SENP2: variants seen among roughly 807,000 people sequenced by gnomAD.
SENP2 encodes SUMO specific peptidase 2, also known as sentrin-specific protease 2.
A neutral mutation model predicts 86.3 loss-of-function variants in SENP2; 16 were observed. The observed-to-expected ratio is 0.19, with a 90% CI of 0.13 to 0.28. The LOEUF is 0.28. Among genes scored for constraint, SENP2 ranks in the 10% least tolerant of loss-of-function variants. The pLI is 1.00. For missense variants in SENP2, 552 were observed against 703.0 expected, an observed-to-expected ratio of 0.79 and a Z score of 2.43; for synonymous variants, 222 against 238.7, an observed-to-expected ratio of 0.93 and a Z score of 0.64.
At chr3:185,624,144 G>C (rs1398861061) in intron 15 of SENP2, 62 bp downstream of exon 15, 52 of 1,182,608 alleles carry the variant, frequency 4.4e-5, no homozygotes, top group Non-Finnish European at 6.1e-5. Context: ...ATATTATCTA[G>C]ATTTGGCTCC....
intron 11 of SENP2, among the ~76,000 whole-genome samples, chr3:185,616,449 T>C (rs139257802): frequency 0.017 from 2,421 of 140,026 alleles, 64 homozygotes; most frequent in African/African-American, 0.061. Flanking sequence ...CACTCCAGCC[T>C]GGGTGACAAA....
intron 16 of SENP2, among the ~76,000 whole-genome samples, chr3:185,629,485 C>T: frequency 6.6e-6 from 1 of 150,550 alleles, no homozygotes; most frequent in East Asian, 2.0e-4. Context: ...GACTGAGGGA[C>T]AAGAATCGCT....
rs1175476968 is a variant in SENP2 at position 185,617,944 on chromosome 3, T to TTTTTG, written c.1242+337_1242+338insGTTTT. ...TATAGTAGCTATTTTTTTGTTTTTGTTTTTTGGTTTTGTTTTTGAGACAGA... is the reference window on the plus strand; with the variant it reads ...TATAGTAGCTATTTTTTTGTTTTTGTTTTTGTTTTTGGTTTTGTTTTTGAGACAGA... On this transcript the variant is annotated intron_variant, in intron 12 of 16. Coordinates refer to ENST00000296257, the MANE Select transcript of SENP2 (RefSeq NM_021627.3). Among the ~76,000 whole-genome samples the TTTTTG allele has an allele frequency of 3.4e-3, 517 of 152,218 alleles. 5 individuals are homozygous for TTTTTG. Among genetic ancestry groups the TTTTTG allele is most frequent in the African/African-American group, 0.012 (488 of 41,530 alleles).
Position 185,605,435 on chromosome 3 carries a change from C to G in SENP2, c.450-895C>G, listed in dbSNP as rs533911864. On this transcript the variant is annotated intron_variant, in intron 5 of 16. Coordinates refer to ENST00000296257, the MANE Select transcript of SENP2 (RefSeq NM_021627.3). Reference sequence around the variant, plus strand: ...GATTACCAACATCAGGAAATTAACACTGATATAATACTATTATGTAATCTA... The same window carrying G: ...GATTACCAACATCAGGAAATTAACAGTGATATAATACTATTATGTAATCTA... 1.2e-3 allele frequency among the ~76,000 whole-genome samples: 190 copies of G among 152,068 alleles called. 2 individuals are homozygous for G. The highest frequency in any genetic ancestry group is 2.0e-3 in the Non-Finnish European group (134 of 67,994).
intron 2 of SENP2, among the ~76,000 whole-genome samples, chr3:185,590,944 T>TCGCA (rs1560188259): frequency 1.4e-5 from 1 of 73,900 alleles, no homozygotes; most frequent in African/African-American, 5.8e-5. Flanking sequence ...TCTTGCTCTG[T>TCGCA]CGCAGGCTGG....
chr3:185,591,810 A>G (rs1271918839), intron 2 of SENP2, among the ~76,000 whole-genome samples: 1 of 151,442 alleles, frequency 6.6e-6, no homozygotes, highest in Non-Finnish European at 1.5e-5. Flanking sequence ...GGCTCACTGC[A>G]GCCTCCACCT....
intron 14 of SENP2, among the ~76,000 whole-genome samples, chr3:185,622,106 A>T (rs373486029): frequency 1.3e-5 from 2 of 152,360 alleles, no homozygotes; most frequent in African/African-American, 4.8e-5. Flanking sequence ...TTTGTCATGT[A>T]TTATGATGTA....
At chr3:185,601,281 GT>G (rs1722336516) in intron 5 of SENP2, among the ~76,000 whole-genome samples, 1 of 151,972 alleles carries the variant, frequency 6.6e-6, no homozygotes, top group Admixed American at 6.6e-5. Context: ...CTGACCTCAG[GT>G]AATCCACCCA....
chr3:185,615,720 T>C (rs539618103), intron 11 of SENP2, among the ~76,000 whole-genome samples: 2 of 152,336 alleles, frequency 1.3e-5, no homozygotes, highest in South Asian at 2.1e-4. Flanking sequence ...CATAATTCTT[T>C]AGTATGATGA....
Position 185,599,006 on chromosome 3 carries a change from A to G in SENP2, c.340A>G (p.Asn114Asp). 1 of 1,612,688 alleles carries G rather than the reference A, an allele frequency of 6.2e-7. No homozygotes were observed. Among genetic ancestry groups the G allele is most frequent in the Non-Finnish European group, 8.5e-7 (1 of 1,179,564 alleles). The part of the protein sequence containing the change: ...SCELTGSGSW[N>D]NMLKLGNKSP... ...TGAACTGACAGGTTCTGGATCCTGG[A>G]ACAACATGCTGAAACTGGGTGAGGT... The change falls in exon 4 of 17, where the codon AAC (asparagine) becomes GAC (aspartate). Residue 114 changes from asparagine to aspartate, a missense_variant. Asn to Asp is a conservative substitution (Grantham distance 23). This residue lies in a region of SENP2 where 383 missense variants were observed against 427.3 expected (regional missense o/e 0.90). Coordinates refer to ENST00000296257, the MANE Select transcript of SENP2 (RefSeq NM_021627.3).
In SENP2 at chr3:185,610,154, CT is replaced by C. The variant is rs557832407; in HGVS notation, c.722+827del. 3.7e-3 allele frequency among the ~76,000 whole-genome samples: 425 copies of C among 115,036 alleles called. 1 individual carries two copies. Among genetic ancestry groups the C allele is most frequent in the African/African-American group, 9.4e-3 (291 of 30,946 alleles). The allele number at this position is 115,036 out of a possible 152,430, so 75.5% of individuals were successfully genotyped here. On this transcript the variant is annotated intron_variant, in intron 7 of 16. Coordinates refer to ENST00000296257, the MANE Select transcript of SENP2 (RefSeq NM_021627.3). ...TAAAAAGTCACAGAATATTATCTAG[CT>C]TTTTTTTTTTTTTTTTTTTTTTGAG...
Position 185,629,575 on chromosome 3 carries a change from CAAA to C in SENP2, c.1708-194_1708-192del, listed in dbSNP as rs34843707. 4.3e-5 allele frequency among the ~76,000 whole-genome samples: 5 copies of C among 117,056 alleles called. No individual in the cohort carries two copies. The South Asian group carries it at 7.3e-4, about 17-fold the overall frequency. The allele number at this position is 117,056 out of a possible 152,430, so 76.8% of individuals were successfully genotyped here. On this transcript the variant is annotated intron_variant, in intron 16 of 16. Coordinates refer to ENST00000296257, the MANE Select transcript of SENP2 (RefSeq NM_021627.3). ...TGGGTGACACAGCAAGACTCCATCT[CAAA>C]AAAAAAAAAAAAGTGCTTATGGTAC...
rs777501588 is a variant in SENP2, at chr3:185,600,814, A to G, written c.408A>G (p.Thr136=). ...GTGACTATCCAAAGATCAGAGTGAC[A>G]GTTACCCGAGATCAGCCACGCAGAG... ...GISDYPKIRV[T]VTRDQPRRVL... The change falls in exon 5 of 17, where the codon ACA becomes ACG. Residue 136 remains threonine, a synonymous_variant. Coordinates refer to ENST00000296257, the MANE Select transcript of SENP2 (RefSeq NM_021627.3). 8 of 1,612,568 alleles carry G rather than the reference A, an allele frequency of 5.0e-6. No individual in the cohort carries two copies. In the East Asian group the frequency reaches 1.3e-4, roughly 27 times the overall value.
intron 5 of SENP2, among the ~76,000 whole-genome samples, chr3:185,604,378 C>A (rs1011184155): frequency 4.2e-4 from 64 of 152,270 alleles, no homozygotes; most frequent in Non-Finnish European, 8.8e-5. Context: ...GTTCCATGTA[C>A]ACTTGAAAAG....
intron 11 of SENP2, among the ~76,000 whole-genome samples, chr3:185,617,267 A>G (rs79179434): frequency 0.084 from 12,844 of 152,226 alleles, 864 homozygotes; most frequent in South Asian, 0.34. Context: ...GGAGTTTGCA[A>G]CCAACTTGGG....
chr3:185,605,186 A>G (rs1050474574), intron 5 of SENP2, among the ~76,000 whole-genome samples: 10 of 151,664 alleles, frequency 6.6e-5, no homozygotes, highest in Middle Eastern at 3.4e-3. Flanking sequence ...CCTGGCCAAC[A>G]TGGTGAAACC....
intron 11 of SENP2, 22 bp from the exon 12 acceptor site, chr3:185,617,458 A>G (rs1711665324): frequency 1.3e-6 from 2 of 1,579,864 alleles, no homozygotes; most frequent in Non-Finnish European, 8.6e-7. Flanking sequence ...TAAAATAGCA[A>G]CTTCTGAACT....
In SENP2 at chr3:185,623,999, C is replaced by A; in HGVS notation, c.1528C>A (p.Gln510Lys). The stretch of plus-strand genomic sequence containing the variant: ...TTCCTTCTTTGTTTTGCTTTTTAGT[C>A]AGTATTTACAGGATGAAAGTAAGAC... ...KGHRICEILL[Q>K]YLQDESKTKR... is the part of the protein sequence containing the mutation. Residue 510 changes from glutamine (Q) to lysine (K), a missense_variant and splice_region_variant, in exon 15 of 17, where the codon CAG becomes AAG. This residue lies in a region of SENP2 where 169 missense variants were observed against 275.7 expected (regional missense o/e 0.61). Transcript: ENST00000296257. The A allele has an allele frequency of 6.3e-7, 1 of 1,591,818 alleles. No individual in the cohort carries two copies. Among genetic ancestry groups the A allele is most frequent in the Non-Finnish European group, 8.6e-7 (1 of 1,164,478 alleles).
At chr3:185,610,546 G>C (rs1362260815) in intron 7 of SENP2, among the ~76,000 whole-genome samples, 1 of 152,184 alleles carries the variant, frequency 6.6e-6, no homozygotes, top group Non-Finnish European at 1.5e-5. Flanking sequence ...TTTTGGTTTA[G>C]TCAGAATGTC....
Sources: gnomAD v4.1 joint callset for allele counts (sites outside exome capture counted in the v4.1 genomes callset) on GRCh38, gnomAD v4.1.1 for gene constraint, gnomAD v4.1.1 regional missense constraint, MANE v1.5 for transcripts, NCBI Gene and HGNC (gene_info 2026-07-23, HGNC 2026-07-21) for gene names.